Variants in RNF8 observed in about 807,000 individuals in gnomAD.
RNF8 encodes the protein ring finger protein 8, also known as E3 ubiquitin-protein ligase RNF8.
A neutral mutation model predicts 59.3 loss-of-function variants in RNF8; 8 were observed. The observed-to-expected ratio is 0.13, with a 90% CI of 0.08 to 0.24. The LOEUF (loss-of-function observed/expected upper bound fraction) is 0.24, where lower values mean the gene tolerates loss of function less well. Ranked by LOEUF, RNF8 falls within the 10% of genes least tolerant of loss-of-function variation. RNF8 has a pLI of 1.00. For synonymous variants in RNF8, 162 were observed against 200.0 expected, an observed-to-expected ratio of 0.81 and a Z score of 1.60; for missense variants, 406 against 572.6, an observed-to-expected ratio of 0.71 and a Z score of 2.97.
At position 37,387,924 on chromosome 6, in the gene RNF8, T is replaced by C. The variant is rs147583920; in HGVS notation, c.1442-2818T>C. The stretch of plus-strand genomic sequence containing the variant: ...GAAGTACAGAGTGCTAGAGAGAATA[T>C]TGAGCATTCAGCCTGGAAAAGTTGG... On this transcript the variant is annotated intron_variant, in intron 7 of 7. Coordinates refer to ENST00000373479, the MANE Select transcript of RNF8 (RefSeq NM_003958.4). Among the ~76,000 whole-genome samples, 135 of 152,246 alleles carry C rather than the reference T, an allele frequency of 8.9e-4. 1 individual carries two copies. The highest frequency in any genetic ancestry group is 2.9e-3 in the South Asian group (14 of 4,818).
intron 5 of RNF8, among the ~76,000 whole-genome samples, chr6:37,376,333 G>A (rs1454373359): frequency 2.6e-5 from 4 of 152,102 alleles, no homozygotes; most frequent in African/African-American, 9.7e-5. Flanking sequence ...TGCAAATACT[G>A]AAAAAGTGGT....
intron 7 of RNF8, among the ~76,000 whole-genome samples, chr6:37,382,907 A>G (rs1199050884): frequency 6.7e-6 from 1 of 150,178 alleles, no homozygotes; most frequent in Non-Finnish European, 1.5e-5. Flanking sequence ...GAACCTGCAG[A>G]GGTTGCAGTG....
At chr6:37,355,282 C>T (rs1430228326) in intron 1 of RNF8, among the ~76,000 whole-genome samples, 2 of 152,174 alleles carry the variant, frequency 1.3e-5, no homozygotes, top group East Asian at 1.9e-4. Context: ...ATGAAAAGTT[C>T]TCTTTGCAGT....
chr6:37,366,900 C>T (rs963316893), intron 2 of RNF8, among the ~76,000 whole-genome samples: 2 of 152,240 alleles, frequency 1.3e-5, no homozygotes, highest in Admixed American at 6.5e-5. Context: ...CCTATCATCT[C>T]CATTTAGCAT....
At chr6:37,358,439 G>A (rs149136935) in intron 1 of RNF8, among the ~76,000 whole-genome samples, 2 of 152,340 alleles carry the variant, frequency 1.3e-5, no homozygotes, top group South Asian at 2.1e-4. Flanking sequence ...AGGCCAGGTG[G>A]TTTGGACTAA....
intron 1 of RNF8, among the ~76,000 whole-genome samples, chr6:37,359,867 C>T (rs192520612): frequency 2.2e-3 from 341 of 152,356 alleles, no homozygotes; most frequent in African/African-American, 7.6e-3. Context: ...GCAGTCCCTT[C>T]ACAGACTCAT....
intron 2 of RNF8, among the ~76,000 whole-genome samples, chr6:37,364,197 A>C (rs1313773692): frequency 6.6e-6 from 1 of 151,574 alleles, no homozygotes; most frequent in Non-Finnish European, 1.5e-5. Flanking sequence ...AAAAAAAAAA[A>C]AATTGAGTGA....
Position 37,379,323 on chromosome 6 carries a change from A to C in RNF8, c.1237-1827A>C, listed in dbSNP as rs566300718. Among the ~76,000 whole-genome samples, 195 of 152,114 alleles carry C rather than the reference A, an allele frequency of 1.3e-3. 1 individual carries two copies. Among genetic ancestry groups the C allele is most frequent in the Non-Finnish European group, 9.4e-4 (64 of 68,018 alleles). ...CCTGGCCAGATGCTTCATTTTTATC[A>C]GATAGGTTTTCAGTACTGTTTATGA... On this transcript the variant is annotated intron_variant, in intron 6 of 7. Coordinates refer to ENST00000373479, the MANE Select transcript of RNF8 (RefSeq NM_003958.4).
At chr6:37,377,135 C>T in intron 6 of RNF8, 102 bp downstream of exon 6, 1 of 627,304 alleles carries the variant, frequency 1.6e-6, no homozygotes, top group Non-Finnish European at 2.7e-6. Context: ...TGCAGTGCCA[C>T]AATCTCGGCT....
intron 2 of RNF8, among the ~76,000 whole-genome samples, chr6:37,363,319 G>A (rs377137385): frequency 1.8e-4 from 28 of 152,266 alleles, no homozygotes; most frequent in African/African-American, 6.7e-4. Context: ...TACAATAAAA[G>A]CGTTCATTCG....
intron 2 of RNF8, among the ~76,000 whole-genome samples, chr6:37,363,962 G>A (rs1446588035): frequency 2.0e-5 from 3 of 152,010 alleles, no homozygotes; most frequent in Non-Finnish European, 4.4e-5. Flanking sequence ...GGCGGATCAC[G>A]AGGTCAGGAG....
At chr6:37,371,220 C>T (rs546577400) in intron 3 of RNF8, among the ~76,000 whole-genome samples, 1 of 152,278 alleles carries the variant, frequency 6.6e-6, no homozygotes, top group African/African-American at 2.4e-5. Context: ...TTTTGGGAAT[C>T]ATGGCGTTAG....
chr6:37,372,305 G>A (rs773340823), intron 4 of RNF8, among the ~76,000 whole-genome samples: 6 of 152,124 alleles, frequency 3.9e-5, no homozygotes, highest in Non-Finnish European at 8.8e-5. Context: ...TCCTTTTATC[G>A]TAAACCTACT....
intron 2 of RNF8, among the ~76,000 whole-genome samples, chr6:37,367,646 C>T (rs1254453661): frequency 2.0e-5 from 3 of 152,144 alleles, no homozygotes; most frequent in South Asian, 2.1e-4. Context: ...TCAAGTGATC[C>T]GCACACCTCG....
chr6:37,356,740 G>A (rs185636499), intron 1 of RNF8, among the ~76,000 whole-genome samples: 227 of 152,232 alleles, frequency 1.5e-3, no homozygotes, highest in African/African-American at 5.2e-3. Flanking sequence ...ACTGGTTTGG[G>A]GGCTTTTTTG....
chr6:37,381,129 G>T, intron 6 of RNF8, 21 bp from the exon 7 acceptor site: 3 of 1,600,970 alleles, frequency 1.9e-6, no homozygotes, highest in Non-Finnish European at 2.6e-6. Context: ...TCTGATATGT[G>T]TGTCCACATT....
At chr6:37,383,457 A>C (rs1168366858) in intron 7 of RNF8, among the ~76,000 whole-genome samples, 1 of 152,202 alleles carries the variant, frequency 6.6e-6, no homozygotes, top group East Asian at 1.9e-4. Context: ...GCAAGCCTGT[A>C]ATTGTCAGAG....
chr6:37,359,438 A>G (rs1210628902), intron 1 of RNF8: 1 of 209,806 alleles, frequency 4.8e-6, no homozygotes, highest in East Asian at 1.3e-4. Flanking sequence ...AAGGTATAGA[A>G]GGCATCATCT....
chr6:37,387,543 T>A (rs1407476972), intron 7 of RNF8, among the ~76,000 whole-genome samples: 1 of 152,068 alleles, frequency 6.6e-6, no homozygotes, highest in Non-Finnish European at 1.5e-5. Context: ...GGTTTCATTA[T>A]GTTGCCTGGG....
Sources: gnomAD v4.1 joint callset for allele counts (sites outside exome capture counted in the v4.1 genomes callset) on GRCh38, gnomAD v4.1.1 for gene constraint, MANE v1.5 for transcripts, NCBI Gene and HGNC (gene_info 2026-07-23, HGNC 2026-07-21) for gene names.